The following EYS variants were observed in gnomAD, a reference collection of about 807,000 sequenced individuals.
The protein encoded by EYS is EGF-like photoreceptor maintenance factor, also known as protein eyes shut homolog.
Under a neutral mutation model 282.1 loss-of-function variants are expected in EYS, and 250 were observed. The observed-to-expected ratio is 0.89, with a 90% CI of 0.80 to 0.98. EYS has a LOEUF of 0.98. Ranked by LOEUF, EYS falls within the 50% of genes least tolerant of loss-of-function variation. The pLI is 0.00. For missense variants in EYS, 4,016 were observed against 3,709.0 expected (o/e 1.08, Z -2.15); for synonymous variants, 1,355 against 1,282.9 (o/e 1.06, Z -1.20).
At chr6:64,032,314 C>T (rs1226568070) in intron 33 of EYS, among the ~76,000 whole-genome samples, 1 of 152,220 alleles carries the variant, frequency 6.6e-6, no homozygotes, top group Non-Finnish European at 1.5e-5. Flanking sequence ...GACCAAGAAC[C>T]CACCAATTCC....
At chr6:64,130,673 C>A (rs1444810143) in intron 31 of EYS, among the ~76,000 whole-genome samples, 1 of 151,476 alleles carries the variant, frequency 6.6e-6, no homozygotes, top group South Asian at 2.1e-4. Flanking sequence ...GCCTTCCGAA[C>A]AAAGAGGGGA....
At chr6:65,312,063 G>A (rs1769175276) in intron 11 of EYS, among the ~76,000 whole-genome samples, 1 of 151,138 alleles carries the variant, frequency 6.6e-6, no homozygotes, top group African/African-American at 2.4e-5. Context: ...CTGGTCCTTT[G>A]GCTCAGACCA....
At chr6:63,785,783 C>A (rs6933866) in intron 39 of EYS, among the ~76,000 whole-genome samples, 12,382 of 152,068 alleles carry the variant, frequency 0.081, 570 homozygotes, top group East Asian at 0.16. Flanking sequence ...CCGAGGCAGG[C>A]GGATGGCTTG....
At chr6:64,924,019 G>T (rs561984970) in intron 15 of EYS, among the ~76,000 whole-genome samples, 1 of 152,314 alleles carries the variant, frequency 6.6e-6, no homozygotes, top group South Asian at 2.1e-4. Context: ...CCCCAGTAGG[G>T]ACTCTGTGTG....
At chr6:64,922,307 C>T (rs1354324009) in intron 15 of EYS, among the ~76,000 whole-genome samples, 1 of 152,174 alleles carries the variant, frequency 6.6e-6, no homozygotes, top group Non-Finnish European at 1.5e-5. Context: ...GACTCACACA[C>T]ATTCCCACAA....
intron 13 of EYS, among the ~76,000 whole-genome samples, chr6:65,052,800 C>T (rs1418542559): frequency 1.3e-5 from 2 of 151,650 alleles, no homozygotes; most frequent in Admixed American, 1.3e-4. Flanking sequence ...TTGCTAAGTT[C>T]AGTTTCTAAG....
intron 14 of EYS, among the ~76,000 whole-genome samples, chr6:64,984,549 T>A (rs1317873013): frequency 1.3e-5 from 2 of 151,440 alleles, no homozygotes; most frequent in African/African-American, 4.8e-5. Flanking sequence ...AAAAGGAAGT[T>A]CAATGCTCTG....
chr6:64,129,508 T>G (rs1773896278), intron 31 of EYS, among the ~76,000 whole-genome samples: 1 of 152,220 alleles, frequency 6.6e-6, no homozygotes, highest in Non-Finnish European at 1.5e-5. Context: ...TTGTTTGAGT[T>G]CATTGCAGAT....
At chr6:64,382,892 T>C (rs909316075) in intron 29 of EYS, among the ~76,000 whole-genome samples, 10 of 151,494 alleles carry the variant, frequency 6.6e-5, no homozygotes, top group Non-Finnish European at 1.5e-4. Flanking sequence ...TGGGAAAAAG[T>C]GGAGTGGTGG....
chr6:64,504,060 CTAA>C (rs1777135081), intron 26 of EYS, among the ~76,000 whole-genome samples: 1 of 152,138 alleles, frequency 6.6e-6, no homozygotes, highest in Non-Finnish European at 1.5e-5. Flanking sequence ...TGTGAGTCAA[CTAA>C]ACCTATTTTC....
At chr6:65,575,908 G>C (rs949180577) in intron 2 of EYS, among the ~76,000 whole-genome samples, 31 of 151,924 alleles carry the variant, frequency 2.0e-4, no homozygotes, top group African/African-American at 6.3e-4. Flanking sequence ...AAGAAAGTTT[G>C]ATCAAAACAA....
At chr6:64,324,029 GA>G (rs1770315635) in intron 29 of EYS, among the ~76,000 whole-genome samples, 1 of 152,124 alleles carries the variant, frequency 6.6e-6, no homozygotes, top group Non-Finnish European at 1.5e-5. Flanking sequence ...ATAACAGCCT[GA>G]ACCCATCACC....
At chr6:65,200,019 A>G (rs1226709209) in intron 12 of EYS, among the ~76,000 whole-genome samples, 2 of 152,164 alleles carry the variant, frequency 1.3e-5, no homozygotes, top group Non-Finnish European at 2.9e-5. Context: ...GAATATGATG[A>G]AGTAAAGGAC....
At chr6:65,290,904 A>C (rs1170772146) in intron 12 of EYS, among the ~76,000 whole-genome samples, 1 of 151,402 alleles carries the variant, frequency 6.6e-6, no homozygotes, top group African/African-American at 2.4e-5. Flanking sequence ...GTTTAATGAT[A>C]GTGAAATCTA....
Position 65,344,194 on chromosome 6 carries a change from A to G in EYS, c.1460-17T>C. ...CTTCAGATCCTTTAAAAAAAAAGAGATAAAAAATTAAATAAACTCTTACAA... is the reference window on the plus strand; with the variant it reads ...CTTCAGATCCTTTAAAAAAAAAGAGGTAAAAAATTAAATAAACTCTTACAA... On this transcript the variant is annotated splice_polypyrimidine_tract_variant and intron_variant, in intron 9 of 42. Coordinates refer to ENST00000503581, the MANE Select transcript of EYS (RefSeq NM_001142800.2). The G allele has an allele frequency of 6.3e-7, 1 of 1,584,866 alleles. No individual in the cohort carries two copies. Among genetic ancestry groups the G allele is most frequent in the Non-Finnish European group, 8.6e-7 (1 of 1,156,456 alleles).
chr6:65,542,844 T>A (rs1030302788), intron 2 of EYS, among the ~76,000 whole-genome samples: 2 of 152,142 alleles, frequency 1.3e-5, no homozygotes, highest in African/African-American at 4.8e-5. Flanking sequence ...TTTTAAGCAT[T>A]CAAATATATT....
chr6:64,808,165 G>A (rs373429992), intron 22 of EYS, among the ~76,000 whole-genome samples: 45 of 149,680 alleles, frequency 3.0e-4, no homozygotes, highest in East Asian at 2.0e-3. Flanking sequence ...CTATGATCAC[G>A]ATATAGCACA....
chr6:64,443,929 TC>T (rs1423387193), intron 26 of EYS, among the ~76,000 whole-genome samples: 1 of 152,156 alleles, frequency 6.6e-6, no homozygotes, highest in Non-Finnish European at 1.5e-5. Flanking sequence ...TGGGGGATGC[TC>T]AAGACATTTT....
At chr6:64,500,250 G>A (rs893940935) in intron 26 of EYS, among the ~76,000 whole-genome samples, 3 of 151,894 alleles carry the variant, frequency 2.0e-5, no homozygotes, top group African/African-American at 7.3e-5. Flanking sequence ...CAAGGTAAAT[G>A]GAATAGACAT....
Sources: allele counts gnomAD v4.1 joint callset (sites outside exome capture counted in the v4.1 genomes callset), GRCh38; gene constraint gnomAD v4.1.1; transcripts MANE v1.5; gene names NCBI Gene and HGNC (gene_info 2026-07-23, HGNC 2026-07-21).